MYOM1: variants seen among roughly 807,000 people sequenced by gnomAD.
MYOM1 encodes the protein myomesin 1.
Under a neutral mutation model 205.3 loss-of-function variants are expected in MYOM1, and 164 were observed. That is an observed-to-expected ratio of 0.80 (90% CI 0.70 to 0.91). The LOEUF is 0.91. MYOM1 is among the 40% of genes least tolerant of loss of function. The pLI, the probability that MYOM1 is intolerant of heterozygous loss-of-function variation, is 0.00. For synonymous variants in MYOM1, 772 were observed against 789.4 expected (o/e 0.98, Z 0.37); for missense variants, 2,011 against 2,127.3 (o/e 0.95, Z 1.08).
intron 31 of MYOM1, among the ~76,000 whole-genome samples, 160 bp downstream of exon 31, chr18:3,084,885 T>C (rs1256593161): frequency 6.6e-6 from 1 of 152,220 alleles, no homozygotes; most frequent in East Asian, 1.9e-4. Context: ...GTGAGGTATT[T>C]TTGAATAAAA....
At chr18:3,109,757 T>A (rs570551875) in intron 22 of MYOM1, among the ~76,000 whole-genome samples, 14 of 152,284 alleles carry the variant, frequency 9.2e-5, no homozygotes, top group Non-Finnish European at 1.8e-4. Context: ...TTTTAACAGA[T>A]CTCATTTTAC....
intron 1 of MYOM1, among the ~76,000 whole-genome samples, chr18:3,217,435 TCA>T (rs1423379513): frequency 6.6e-6 from 1 of 152,152 alleles, no homozygotes; most frequent in Non-Finnish European, 1.5e-5. Context: ...TGGGAAAGTA[TCA>T]GTTTGGGGTG....
Position 3,164,456 on chromosome 18 carries a change from A to G in MYOM1, c.1340-17T>C, listed in dbSNP as rs1357410931. The G allele has an allele frequency of 1.2e-5, 19 of 1,566,916 alleles. No individual in the cohort carries two copies. Among genetic ancestry groups the G allele is most frequent in the Non-Finnish European group, 1.6e-5 (18 of 1,159,724 alleles). ...GAGGTACTCCTAGAAATATTTTAAA[A>G]GTAAGCAAATTAACTTATTTTTGTT... On this transcript the variant is annotated splice_polypyrimidine_tract_variant and intron_variant, in intron 9 of 37. Transcript: ENST00000356443.
intron 10 of MYOM1, among the ~76,000 whole-genome samples, chr18:3,160,806 C>T (rs12955251): frequency 0.13 from 20,286 of 152,152 alleles, 1,533 homozygotes; most frequent in Middle Eastern, 0.21. Context: ...GATTTGAAAG[C>T]TGGCTTAAGT....
chr18:3,195,471 C>T (rs1006031428), intron 2 of MYOM1, among the ~76,000 whole-genome samples: 2 of 152,300 alleles, frequency 1.3e-5, no homozygotes, highest in East Asian at 1.9e-4. Flanking sequence ...TGTGCTTATA[C>T]AGGTCTAAGT....
chr18:3,112,353 C>G lies in MYOM1; in HGVS notation c.3363G>C (p.Ala1121=). Residue 1121 remains alanine, a synonymous_variant, in exon 22 of 38, where the codon GCG becomes GCC. Transcript: ENST00000356443. ...YVFRVRAINQ[A]GVGKPSDLAG... The stretch of plus-strand genomic sequence containing the variant: ...CAAGGTCAGATGGCTTCCCAACTCC[C>G]GCCTGGTTTATGGCTCGAACACGGA... The G allele has an allele frequency of 6.2e-7, 1 of 1,612,800 alleles. No homozygotes were observed. The highest frequency in any genetic ancestry group is 8.5e-7 in the Non-Finnish European group (1 of 1,179,040).
chr18:3,175,556 A>G (rs891973032), intron 6 of MYOM1, among the ~76,000 whole-genome samples: 1 of 152,190 alleles, frequency 6.6e-6, no homozygotes, highest in Non-Finnish European at 1.5e-5. Context: ...ATACTTTCCC[A>G]TGGTTCCTGG....
Position 3,085,064 on chromosome 18 carries a change from T to A in MYOM1, c.4320A>T (p.Arg1440Ser), listed in dbSNP as rs1258360203. Residue 1440 changes from arginine (R) to serine (S), a missense_variant, in exon 31 of 38, where the codon AGA (arginine) becomes AGT (serine). By Grantham distance (110) the Arg-to-Ser change is moderately radical (BLOSUM62 -1). Transcript: ENST00000356443. ...LKDDRGKDKSRLKLVDEAFKE... is the reference protein window; with the variant it reads ...LKDDRGKDKSSLKLVDEAFKE... ...ACTGACCTTCATCCACAAGCTTCAGTCTGCTCTTATCTTTTCCTCGGTCAT... is the reference window on the plus strand; with the variant it reads ...ACTGACCTTCATCCACAAGCTTCAGACTGCTCTTATCTTTTCCTCGGTCAT... 1 of 1,607,166 alleles carries A rather than the reference T, an allele frequency of 6.2e-7. No individual in the cohort carries two copies. The highest frequency in any genetic ancestry group is 8.5e-7 in the Non-Finnish European group (1 of 1,176,636).
chr18:3,095,277 G>A (rs1159344053), intron 25 of MYOM1, among the ~76,000 whole-genome samples: 1 of 152,034 alleles, frequency 6.6e-6, no homozygotes, highest in Non-Finnish European at 1.5e-5. Flanking sequence ...GCTATGAAGA[G>A]TAAATATAAG....
At chr18:3,140,606 T>C (rs1449977651) in intron 14 of MYOM1, among the ~76,000 whole-genome samples, 1 of 152,226 alleles carries the variant, frequency 6.6e-6, no homozygotes, top group African/African-American at 2.4e-5. Context: ...AGCTCAAAGA[T>C]ATTTGCATAT....
At chr18:3,162,903 G>A (rs1412802480) in intron 10 of MYOM1, among the ~76,000 whole-genome samples, 6 of 152,086 alleles carry the variant, frequency 3.9e-5, no homozygotes, top group Non-Finnish European at 8.8e-5. Flanking sequence ...GTGGGCGCCT[G>A]TAGTCCCAGC....
the MYOM1 span, among the ~76,000 whole-genome samples, chr18:3,227,393 C>T: frequency 6.6e-6 from 1 of 152,036 alleles, no homozygotes; most frequent in Non-Finnish European, 1.5e-5. Context: ...TATGATTCCA[C>T]TTATATGAGG....
chr18:3,241,241 T>C, the MYOM1 span, among the ~76,000 whole-genome samples: 1 of 152,224 alleles, frequency 6.6e-6, no homozygotes, highest in Admixed American at 6.5e-5. Flanking sequence ...CTCAGAGGTC[T>C]TCATGGCAGC....
intron 33 of MYOM1, among the ~76,000 whole-genome samples, chr18:3,080,455 C>T (rs965067922): frequency 1.3e-5 from 2 of 152,062 alleles, no homozygotes; most frequent in Admixed American, 6.5e-5. Context: ...AGGCGGATCA[C>T]CTGAGGTCAG....
chr18:3,077,264 CT>C (rs2079030941), intron 34 of MYOM1, among the ~76,000 whole-genome samples: 1 of 152,106 alleles, frequency 6.6e-6, no homozygotes, highest in African/African-American at 2.4e-5. Flanking sequence ...ATCGATCCCC[CT>C]GCCTCAGTCT....
chr18:3,088,893 C>T (rs1463174848), intron 29 of MYOM1, among the ~76,000 whole-genome samples: 2 of 152,164 alleles, frequency 1.3e-5, no homozygotes, highest in Admixed American at 6.5e-5. Flanking sequence ...AAAACAAAAA[C>T]GTGAGAGTCT....
intron 13 of MYOM1, among the ~76,000 whole-genome samples, chr18:3,148,898 T>C (rs1305789439): frequency 6.9e-6 from 1 of 144,984 alleles, no homozygotes; most frequent in African/African-American, 2.6e-5. Flanking sequence ...TTCATGGGTA[T>C]ATACATGTGT....
At chr18:3,122,018 C>G (rs550611191) in intron 19 of MYOM1, among the ~76,000 whole-genome samples, 1 of 152,082 alleles carries the variant, frequency 6.6e-6, no homozygotes, top group African/African-American at 2.4e-5. Context: ...ACTTGGGAGG[C>G]TGAGGCACGG....
intron 10 of MYOM1, among the ~76,000 whole-genome samples, chr18:3,161,070 T>C (rs905343099): frequency 6.6e-6 from 1 of 152,204 alleles, no homozygotes; most frequent in Non-Finnish European, 1.5e-5. Context: ...GCTTAGTTCA[T>C]CCTCATCTAG....
Sources: gnomAD v4.1 joint callset for allele counts (sites outside exome capture counted in the v4.1 genomes callset) on GRCh38, gnomAD v4.1.1 for gene constraint, MANE v1.5 for transcripts, NCBI Gene and HGNC (gene_info 2026-07-23, HGNC 2026-07-21) for gene names.